FAM168B: variants seen among roughly 807,000 people sequenced by gnomAD.
FAM168B encodes myelin-associated neurite-outgrowth inhibitor.
In FAM168B, 19 loss-of-function variants were observed where a neutral mutation model predicts 21.8. The ratio of observed to expected loss-of-function variants is 0.87; its 90% CI spans 0.61 to 1.28. FAM168B has a LOEUF of 1.28. FAM168B is among the 50% of genes most tolerant of loss of function. FAM168B has a pLI of 0.00. For missense variants in FAM168B, 233 were observed against 263.1 expected (o/e 0.89, Z 0.79); for synonymous variants, 126 against 104.8 (o/e 1.20, Z -1.24).
chr2:131,051,909 G>A lies in FAM168B; in HGVS notation c.*556C>T, dbSNP rs1691701890. The A allele has an allele frequency of 6.1e-6, 6 of 985,292 alleles. No homozygotes were observed. The highest frequency in any genetic ancestry group is 6.2e-5 in the Admixed American group (1 of 16,254). 61.0% of individuals were successfully genotyped at this position (985,292 alleles called of 1,614,324 possible). On this transcript the variant is annotated 3_prime_UTR_variant, in exon 7 of 7. Transcript: ENST00000389915. ...ACAGTCAGTGCCAAAGAAACAGGTC[G>A]CTGAAAACTAAAATGTCCACATCCC...
intron 5 of FAM168B, among the ~76,000 whole-genome samples, chr2:131,054,037 C>T (rs1355879208): frequency 6.6e-6 from 1 of 152,050 alleles, no homozygotes. Context: ...AATCCCATCT[C>T]TACCAAAAGG....
chr2:131,078,486 A>G (rs181943765), intron 2 of FAM168B, among the ~76,000 whole-genome samples: 4 of 152,332 alleles, frequency 2.6e-5, no homozygotes, highest in Non-Finnish European at 5.9e-5. Flanking sequence ...CCAGGAGAGG[A>G]GAGAAAGGGA....
rs181545500 is a variant in FAM168B at position 131,051,235 on chromosome 2, G to A, written c.*1230C>T. ...TAAGCGTCCCCTCCAGCCGGCCTCA[G>A]CAGACAAGTCACCACCATCAGGTGG... On this transcript the variant is annotated 3_prime_UTR_variant, in exon 7 of 7. Transcript: ENST00000389915. 1.0e-3 allele frequency: 1,015 copies of A among 985,160 alleles called. No individual in the cohort carries two copies. Among genetic ancestry groups the A allele is most frequent in the Middle Eastern group, 2.6e-3 (5 of 1,914 alleles). The allele number at this position is 985,160 out of a possible 1,614,324, so 61.0% of individuals were successfully genotyped here.
At chr2:131,088,629 G>A (rs11904177) in intron 1 of FAM168B, among the ~76,000 whole-genome samples, 33,892 of 151,970 alleles carry the variant, frequency 0.22, 5,592 homozygotes, top group African/African-American at 0.47. Context: ...ATTATGTATA[G>A]TTACATAAAT....
rs1691483168 is a variant in FAM168B, at chr2:131,049,060, G to GCCTTTCACCAGCACTCAC, written c.*3387_*3404dup. ...ATACTTACATAACTAGTACATGTTGGCCTTTCACCAGCACTCACTGGCACT... is the reference window on the plus strand; with the variant it reads ...ATACTTACATAACTAGTACATGTTGGCCTTTCACCAGCACTCACCCTTTCACCAGCACTCACTGGCACT... On this transcript the variant is annotated 3_prime_UTR_variant, in exon 7 of 7. Coordinates refer to ENST00000389915, the MANE Select transcript of FAM168B (RefSeq NM_001009993.4). 1.9e-5 allele frequency: 19 copies of GCCTTTCACCAGCACTCAC among 985,308 alleles called. No individual in the cohort carries two copies. Among genetic ancestry groups the GCCTTTCACCAGCACTCAC allele is most frequent in the Non-Finnish European group, 2.2e-5 (18 of 829,946 alleles). 61.0% of individuals were successfully genotyped at this position (985,308 alleles called of 1,614,324 possible). A position where few individuals can be genotyped will look rare whatever the true frequency, so the allele number is the denominator to read the frequency against.
chr2:131,048,184 AC>A lies in FAM168B; in HGVS notation c.*4280del, dbSNP rs1053501839. 7.5e-5 allele frequency: 94 copies of A among 1,249,712 alleles called. No individual in the cohort carries two copies. Among genetic ancestry groups the A allele is most frequent in the Non-Finnish European group, 9.7e-5 (93 of 959,788 alleles). 77.4% of individuals were successfully genotyped at this position (1,249,712 alleles called of 1,614,324 possible). ...GTATTTAAAAATCATTTTTAAAAAA[AC>A]AAAAAGGAACCGTTTCTTCTTTAGT... On this transcript the variant is annotated 3_prime_UTR_variant, in exon 7 of 7. Coordinates refer to ENST00000389915, the MANE Select transcript of FAM168B (RefSeq NM_001009993.4).
chr2:131,051,514 G>A lies in FAM168B; in HGVS notation c.*951C>T, dbSNP rs1310092896. Reference sequence around the variant, plus strand: ...AAAAAAAAAAGGAATGATTTTCTAAGCTAAATAAAGCAGAGGACAATACCT... The same window carrying A: ...AAAAAAAAAAGGAATGATTTTCTAAACTAAATAAAGCAGAGGACAATACCT... On this transcript the variant is annotated 3_prime_UTR_variant, in exon 7 of 7. Transcript: ENST00000389915. 1 of 982,498 alleles carries A rather than the reference G, an allele frequency of 1.0e-6. No individual in the cohort carries two copies. Among genetic ancestry groups the A allele is most frequent in the Non-Finnish European group, 1.2e-6 (1 of 829,342 alleles). The allele number at this position is 982,498 out of a possible 1,614,324, so 60.9% of individuals were successfully genotyped here. A position where few individuals can be genotyped will look rare whatever the true frequency, so the allele number is the denominator to read the frequency against.
intron 2 of FAM168B, among the ~76,000 whole-genome samples, chr2:131,075,532 T>C (rs1480477551): frequency 1.3e-5 from 2 of 151,506 alleles, no homozygotes; most frequent in East Asian, 3.9e-4. Flanking sequence ...TCTTGCTCTG[T>C]CGCCCAGGCT....
intron 3 of FAM168B, among the ~76,000 whole-genome samples, chr2:131,059,531 G>A (rs906710187): frequency 6.6e-6 from 1 of 152,094 alleles, no homozygotes; most frequent in Non-Finnish European, 1.5e-5. Context: ...CCACTAGCCT[G>A]AAAAGAGATC....
chr2:131,092,285 T>A lies in FAM168B; in HGVS notation c.-12+929A>T, dbSNP rs181107648. Among the ~76,000 whole-genome samples the A allele has an allele frequency of 5.9e-5, 9 of 152,326 alleles. No homozygotes were observed. In the East Asian group the frequency reaches 1.7e-3, roughly 29 times the overall value. On this transcript the variant is annotated intron_variant, in intron 1 of 6. Transcript: ENST00000389915. ...CAAAGAGAAGCAAGATCTTCACAATTTCTGCAACACTAGCTTCAAAATTAG... is the reference window on the plus strand; with the variant it reads ...CAAAGAGAAGCAAGATCTTCACAATATCTGCAACACTAGCTTCAAAATTAG...
At chr2:131,054,841 TC>T (rs1385153653) in intron 5 of FAM168B, among the ~76,000 whole-genome samples, 2 of 152,166 alleles carry the variant, frequency 1.3e-5, no homozygotes, top group Non-Finnish European at 2.9e-5. Flanking sequence ...AGCTGTTTCT[TC>T]TATCAACGCA....
chr2:131,062,704 TC>T (rs1227507408), intron 3 of FAM168B, among the ~76,000 whole-genome samples: 1 of 152,080 alleles, frequency 6.6e-6, no homozygotes, highest in Non-Finnish European at 1.5e-5. Flanking sequence ...CACCTCGGCC[TC>T]CCAAAGTGCT....
chr2:131,079,357 C>T (rs892183472), intron 2 of FAM168B, among the ~76,000 whole-genome samples: 1 of 152,182 alleles, frequency 6.6e-6, no homozygotes, highest in African/African-American at 2.4e-5. Context: ...TACCTGTAAT[C>T]CCAGCTGCTC....
intron 1 of FAM168B, among the ~76,000 whole-genome samples, chr2:131,089,322 T>A (rs919828624): frequency 6.6e-6 from 1 of 152,044 alleles, no homozygotes; most frequent in East Asian, 1.9e-4. Context: ...AGAATTCTTA[T>A]GGGTGGTTTG....
At chr2:131,081,599 A>G (rs569925561) in intron 2 of FAM168B, among the ~76,000 whole-genome samples, 103 of 152,258 alleles carry the variant, frequency 6.8e-4, no homozygotes, top group African/African-American at 2.3e-3. Context: ...GGACGACTAG[A>G]CTGTTTAGTC....
intron 5 of FAM168B, 100 bp downstream of exon 5, chr2:131,055,172 T>C (rs1691940885): frequency 8.5e-7 from 1 of 1,170,852 alleles, no homozygotes; most frequent in African/African-American, 1.6e-5. Context: ...CAACTACAGC[T>C]ATGAAAACCT....
chr2:131,085,249 A>G, intron 1 of FAM168B, among the ~76,000 whole-genome samples: 1 of 152,178 alleles, frequency 6.6e-6, no homozygotes, highest in Non-Finnish European at 1.5e-5. Flanking sequence ...CAGGAGTTCA[A>G]GACCAGCCTG....
At chr2:131,068,915 C>A in intron 3 of FAM168B, among the ~76,000 whole-genome samples, 1 of 152,190 alleles carries the variant, frequency 6.6e-6, no homozygotes, top group Non-Finnish European at 1.5e-5. Flanking sequence ...ACTCGGGAGG[C>A]TGAGGTGGGA....
rs1325740217 is a variant in FAM168B at position 131,073,903 on chromosome 2, G to A, written c.71-1965C>T. On this transcript the variant is annotated intron_variant, in intron 2 of 6. Coordinates refer to ENST00000389915, the MANE Select transcript of FAM168B (RefSeq NM_001009993.4). ...GCTGACCTTTATTAATACAAATGAG[G>A]AATCTTATTAAGACTAAACCATGAC... Among the ~76,000 whole-genome samples the A allele has an allele frequency of 2.0e-5, 3 of 152,138 alleles. No individual in the cohort carries two copies. In the East Asian group the frequency reaches 5.8e-4, roughly 29 times the overall value.
Sources: allele counts gnomAD v4.1 joint callset (sites outside exome capture counted in the v4.1 genomes callset), GRCh38; gene constraint gnomAD v4.1.1; transcripts MANE v1.5; gene names NCBI Gene and HGNC (gene_info 2026-07-23, HGNC 2026-07-21).